Variants in CRYBG1 observed in about 807,000 individuals in gnomAD.
CRYBG1 encodes crystallin beta-gamma domain containing 1.
CRYBG1 carries 139 observed loss-of-function variants against 189.2 expected under a neutral mutation model. The ratio of observed to expected loss-of-function variants is 0.73; its 90% CI spans 0.64 to 0.85. The LOEUF is 0.85. Among genes scored for constraint, CRYBG1 ranks in the 40% least tolerant of loss-of-function variants. The probability of loss-of-function intolerance (pLI) is 0.00; values close to 1 mark genes in which losing one functional copy is unlikely to be tolerated. For synonymous variants in CRYBG1, 1,023 were observed against 1,017.1 expected, an observed-to-expected ratio of 1.01 and a Z score of -0.11; for missense variants, 2,611 against 2,675.8, an observed-to-expected ratio of 0.98 and a Z score of 0.53.
intron 2 of CRYBG1, among the ~76,000 whole-genome samples, chr6:106,475,597 C>A (rs192198403): frequency 6.6e-6 from 1 of 152,220 alleles, no homozygotes; most frequent in South Asian, 2.1e-4. Context: ...TTAGAGTGGA[C>A]GGTCTGTGCG....
intron 2 of CRYBG1, among the ~76,000 whole-genome samples, chr6:106,509,213 T>TA (rs1291848047): frequency 2.0e-5 from 3 of 152,160 alleles, no homozygotes; most frequent in African/African-American, 7.2e-5. Context: ...AAACGGGCAC[T>TA]AAAAAAAGAC....
rs1774079201 is a variant in CRYBG1, at chr6:106,539,402, G to T, written c.4719-1G>T. On this transcript the variant is annotated splice_acceptor_variant, in intron 8 of 21. Coordinates refer to ENST00000633556, the MANE Select transcript of CRYBG1 (RefSeq NM_001371242.2). LOFTEE classifies it high-confidence loss of function. ...TCTTTCCTTCCATGGTGGCTATTTA[G>T]GTGGCTGATTTATGAAGAACCTGGA... is the stretch of plus-strand genomic sequence containing the variant. 1 of 1,613,642 alleles carries T rather than the reference G, an allele frequency of 6.2e-7. No individual in the cohort carries two copies. Among genetic ancestry groups the T allele is most frequent in the Non-Finnish European group, 8.5e-7 (1 of 1,179,882 alleles).
Position 106,361,090 on chromosome 6 carries a change from C to T in CRYBG1, c.173+9C>T. 2.0e-6 allele frequency: 3 copies of T among 1,534,194 alleles called. No individual in the cohort carries two copies. The highest frequency in any genetic ancestry group is 2.6e-6 in the Non-Finnish European group (3 of 1,146,206). On this transcript the variant is annotated intron_variant, in intron 1 of 21. Coordinates refer to ENST00000633556, the MANE Select transcript of CRYBG1 (RefSeq NM_001371242.2). Reference sequence around the variant, plus strand: ...CCTGCCGGAGAGGCCAGGTGAGCTCCTCGCCCGAGCCCTCCAGTCCCACCT... The same window carrying T: ...CCTGCCGGAGAGGCCAGGTGAGCTCTTCGCCCGAGCCCTCCAGTCCCACCT...
At chr6:106,452,259 A>C (rs1484591645) in intron 2 of CRYBG1, among the ~76,000 whole-genome samples, 88 of 148,656 alleles carry the variant, frequency 5.9e-4, no homozygotes, top group African/African-American at 1.9e-3. Flanking sequence ...AAAAAAAAAA[A>C]AAAAAACAAA....
At chr6:106,551,154 C>T (rs141431058) in intron 13 of CRYBG1, among the ~76,000 whole-genome samples, 1 of 152,086 alleles carries the variant, frequency 6.6e-6, no homozygotes, top group East Asian at 1.9e-4. Context: ...TTTTGTAGTC[C>T]CCAGGGCCTA....
chr6:106,519,759 G>GC lies in CRYBG1; in HGVS notation c.2553dup (p.Met852HisfsTer10), dbSNP rs1773541114. 1 of 1,614,112 alleles carries GC rather than the reference G, an allele frequency of 6.2e-7. No homozygotes were observed. Among genetic ancestry groups the GC allele is most frequent in the Admixed American group, 1.7e-5 (1 of 60,016 alleles). ...GGATACCAAAGATTTACCTCCAACG[G>GC]CCATGCCAAAGCCACAGCATACATT... On this transcript the variant is annotated frameshift_variant, in exon 4 of 22. Coordinates refer to ENST00000633556, the MANE Select transcript of CRYBG1 (RefSeq NM_001371242.2). LOFTEE classifies it high-confidence loss of function.
intron 3 of CRYBG1, among the ~76,000 whole-genome samples, chr6:106,517,439 CATAT>C (rs758727692): frequency 1.5e-5 from 2 of 136,932 alleles, no homozygotes; most frequent in South Asian, 2.3e-4. Context: ...TACACACACA[CATAT>C]ATATACACAC....
intron 10 of CRYBG1, among the ~76,000 whole-genome samples, chr6:106,543,055 A>G (rs1484216761): frequency 6.7e-6 from 1 of 150,140 alleles, no homozygotes; most frequent in East Asian, 2.0e-4. Flanking sequence ...TTATTGAGAC[A>G]AGAGTTTCAC....
chr6:106,391,847 C>T (rs181470555), intron 1 of CRYBG1, among the ~76,000 whole-genome samples: 9 of 152,220 alleles, frequency 5.9e-5, no homozygotes, highest in South Asian at 2.1e-4. Flanking sequence ...CGTTCTTGCG[C>T]TCCAAATTCT....
rs1156511477 is a variant in CRYBG1, at chr6:106,492,170, ATGTC to A, written c.313-19253_313-19250del. 2.0e-5 allele frequency among the ~76,000 whole-genome samples: 3 copies of A among 152,282 alleles called. No homozygotes were observed. The East Asian group carries it at 5.8e-4, about 29-fold the overall frequency. On this transcript the variant is annotated intron_variant, in intron 2 of 21. Transcript: ENST00000633556. ...ACTACATACTTTAGCAACTAATTAT[ATGTC>A]TGTCTGCACATTAGTGGTTGTTTTA...
At chr6:106,455,340 T>C (rs1435952835) in intron 2 of CRYBG1, among the ~76,000 whole-genome samples, 2 of 152,086 alleles carry the variant, frequency 1.3e-5, no homozygotes, top group East Asian at 3.8e-4. Context: ...TTATTATGTG[T>C]TTTTTGTATT....
Position 106,423,694 on chromosome 6 carries a change from C to CTTT in CRYBG1, c.174-28000_174-27999insTTT, listed in dbSNP as rs1350862841. ...CCCTCCAGTCCTCAGTTCTCCCTCC[C>CTTT]CTTTTTTTTTTTTTTTTTTTTTTTT... On this transcript the variant is annotated intron_variant, in intron 1 of 21. Coordinates refer to ENST00000633556, the MANE Select transcript of CRYBG1 (RefSeq NM_001371242.2). Among the ~76,000 whole-genome samples the CTTT allele has an allele frequency of 7.3e-3, 743 of 101,236 alleles. 204 individuals are homozygous for CTTT. The highest frequency in any genetic ancestry group is 0.029 in the African/African-American group (689 of 23,634). The allele number at this position is 101,236 out of a possible 152,430, so 66.4% of individuals were successfully genotyped here.
chr6:106,494,785 A>G (rs1306408320), intron 2 of CRYBG1, among the ~76,000 whole-genome samples: 1 of 152,212 alleles, frequency 6.6e-6, no homozygotes, highest in Non-Finnish European at 1.5e-5. Flanking sequence ...ATGCTTGGAC[A>G]CATTTTTGTA....
chr6:106,487,446 C>T (rs1378445436), intron 2 of CRYBG1, among the ~76,000 whole-genome samples: 1 of 152,230 alleles, frequency 6.6e-6, no homozygotes, highest in East Asian at 1.9e-4. Context: ...TTCCTTTAAG[C>T]AATTTTTGTA....
At chr6:106,406,751 G>T (rs1028185041) in intron 1 of CRYBG1, among the ~76,000 whole-genome samples, 2 of 152,174 alleles carry the variant, frequency 1.3e-5, no homozygotes, top group African/African-American at 4.8e-5. Context: ...TTGAAGAAAA[G>T]AATTTTCAAC....
At position 106,553,485 on chromosome 6, in the gene CRYBG1, G is replaced by A; in HGVS notation, c.5503G>A (p.Gly1835Ser). 1 of 1,613,420 alleles carries A rather than the reference G, an allele frequency of 6.2e-7. No individual in the cohort carries two copies. Residue 1835 changes from glycine to serine, a missense_variant, in exon 16 of 22, where the codon GGT becomes AGT. Coordinates refer to ENST00000633556, the MANE Select transcript of CRYBG1 (RefSeq NM_001371242.2). ...IHLFSEPQFQ[G>S]HSQSFEETTS... ...CTTGTTTTCAGAACCACAGTTTCAAGGTCACAGTCAAAGTTTTGAAGAAAC... is the reference window on the plus strand; with the variant it reads ...CTTGTTTTCAGAACCACAGTTTCAAAGTCACAGTCAAAGTTTTGAAGAAAC...
chr6:106,476,209 C>T (rs1363546929), intron 2 of CRYBG1, among the ~76,000 whole-genome samples: 1 of 152,036 alleles, frequency 6.6e-6, no homozygotes, highest in East Asian at 1.9e-4. Context: ...TGTCTTTAGC[C>T]CCAGGTAACA....
At chr6:106,362,984 G>T (rs1278801956) in intron 1 of CRYBG1, among the ~76,000 whole-genome samples, 2 of 151,938 alleles carry the variant, frequency 1.3e-5, no homozygotes, top group Non-Finnish European at 2.9e-5. Flanking sequence ...GGTGGCTCAC[G>T]CCTGTAATCC....
Position 106,558,602 on chromosome 6 carries a change from C to T in CRYBG1, c.5832C>T (p.Arg1944=). 1 of 1,611,658 alleles carries T rather than the reference C, an allele frequency of 6.2e-7. No individual in the cohort carries two copies. The highest frequency in any genetic ancestry group is 2.2e-5 in the East Asian group (1 of 44,806). ...LRSLGFNTQI[R]SVQVIGGIWV... is the part of the protein sequence containing the mutation. ...CCCTGGGATTCAACACACAAATACG[C>T]TCTGTTCAGGTTATTGGTGGCATGT... The change falls in exon 18 of 22, where the codon CGC becomes CGT. Residue 1944 remains arginine (R), a synonymous_variant. Transcript: ENST00000633556.
Sources: gnomAD v4.1 joint callset for allele counts (sites outside exome capture counted in the v4.1 genomes callset) on GRCh38, gnomAD v4.1.1 for gene constraint, MANE v1.5 for transcripts, NCBI Gene and HGNC (gene_info 2026-07-23, HGNC 2026-07-21) for gene names.